Variants in ZNF292 observed in about 807,000 individuals in gnomAD.
ZNF292 encodes 16 zinc-finger domain protein.
A neutral mutation model predicts 217.9 loss-of-function variants in ZNF292; 26 were observed. The ratio of observed to expected loss-of-function variants is 0.12; its 90% confidence interval spans 0.09 to 0.17. The LOEUF (loss-of-function observed/expected upper bound fraction) is 0.17, where lower values mean the gene tolerates loss of function less well. Among genes scored for constraint, ZNF292 ranks in the 10% least tolerant of loss-of-function variants. The pLI is 1.00. For synonymous variants in ZNF292, 1,257 were observed against 1,124.1 expected (o/e 1.12, Z -2.37); for missense variants, 2,904 against 3,175.2 (o/e 0.91, Z 2.05).
intron 7 of ZNF292, among the ~76,000 whole-genome samples, chr6:87,250,519 TA>T (rs1468517713): frequency 6.6e-6 from 1 of 152,200 alleles, no homozygotes; most frequent in East Asian, 1.9e-4. Context: ...AAGTGTACTG[TA>T]TTGAATCTAT....
intron 4 of ZNF292, among the ~76,000 whole-genome samples, chr6:87,228,175 A>G (rs929832653): frequency 6.6e-6 from 1 of 152,006 alleles, no homozygotes; most frequent in African/African-American, 2.4e-5. Context: ...TTTCATTTGC[A>G]GTTCTCTGAT....
chr6:87,188,874 A>C lies in ZNF292; in HGVS notation c.169-27029A>C, dbSNP rs554291893. Reference sequence around the variant, plus strand: ...TAATACAATGCAGATAAATTATTATAGGTTTGAAAATGAACATAATAATGA... The same window carrying C: ...TAATACAATGCAGATAAATTATTATCGGTTTGAAAATGAACATAATAATGA... On this transcript the variant is annotated intron_variant, in intron 1 of 7. Transcript: ENST00000369577. Among the ~76,000 whole-genome samples the C allele has an allele frequency of 1.4e-4, 21 of 152,178 alleles. 2 individuals carry two copies. In the South Asian group the frequency reaches 4.1e-3, roughly 30 times the overall value.
intron 6 of ZNF292, 35 bp from the exon 7 acceptor site, chr6:87,245,468 T>A: frequency 6.9e-7 from 1 of 1,440,602 alleles, no homozygotes; most frequent in Admixed American, 3.0e-5. Flanking sequence ...ACCTTACTGC[T>A]CCAACTTTTC....
rs1026082080 is a variant in ZNF292 at position 87,264,803 on chromosome 6, A to G, written c.*3002A>G. Among the ~76,000 whole-genome samples the G allele has an allele frequency of 1.3e-5, 2 of 152,212 alleles. No individual in the cohort carries two copies. Among genetic ancestry groups the G allele is most frequent in the African/African-American group, 2.4e-5 (1 of 41,448 alleles). On this transcript the variant is annotated 3_prime_UTR_variant, in exon 8 of 8. Coordinates refer to ENST00000369577, the MANE Select transcript of ZNF292 (RefSeq NM_015021.3). Reference sequence around the variant, plus strand: ...GAAAATTGTTATTGGATGCATGTATATTGAACAATTTAATCAGTATCAGTT... The same window carrying G: ...GAAAATTGTTATTGGATGCATGTATGTTGAACAATTTAATCAGTATCAGTT...
chr6:87,260,631 A>G lies in ZNF292; in HGVS notation c.7002A>G (p.Lys2334=), dbSNP rs539457456. ...GKEGIKMPKT[K]RKKKNNLENK... ...AAGGAATAAAAATGCCCAAGACCAA[A>G]CGAAAGAAAAAAAATAATTTAGAAA... is the stretch of plus-strand genomic sequence containing the variant. Residue 2334 remains lysine (K), a synonymous_variant, in exon 8 of 8, where the codon AAA becomes AAG. Coordinates refer to ENST00000369577, the MANE Select transcript of ZNF292 (RefSeq NM_015021.3). The G allele has an allele frequency of 6.2e-7, 1 of 1,612,482 alleles. No homozygotes were observed. Among genetic ancestry groups the G allele is most frequent in the South Asian group, 1.1e-5 (1 of 90,844 alleles).
chr6:87,180,812 CCTTGAGTA>C (rs1771449894), intron 1 of ZNF292, among the ~76,000 whole-genome samples: 1 of 152,140 alleles, frequency 6.6e-6, no homozygotes, highest in Non-Finnish European at 1.5e-5. Flanking sequence ...CTCACTCAGC[CCTTGAGTA>C]CTTGAGTATT....
chr6:87,252,838 A>G (rs574678695), intron 7 of ZNF292, among the ~76,000 whole-genome samples: 2 of 152,174 alleles, frequency 1.3e-5, no homozygotes, highest in East Asian at 1.9e-4. Flanking sequence ...ACAAGTTTAT[A>G]TGAAATCAAG....
At position 87,259,420 on chromosome 6, in the gene ZNF292, C is replaced by A. The variant is rs1169549882; in HGVS notation, c.5791C>A (p.Pro1931Thr). 1.4e-5 allele frequency: 23 copies of A among 1,600,532 alleles called. No individual in the cohort carries two copies. The highest frequency in any genetic ancestry group is 3.4e-5 in the South Asian group (3 of 89,496). ...KHYGKIHQYT[P>T]EMILEIKKNQ... ...CTATGGTAAAATTCATCAATACACTCCAGAAATGATTCTTGAAATTAAGAA... is the reference window on the plus strand; with the variant it reads ...CTATGGTAAAATTCATCAATACACTACAGAAATGATTCTTGAAATTAAGAA... The change falls in exon 8 of 8, where the codon CCA (proline) becomes ACA (threonine). Residue 1931 changes from proline to threonine, a missense_variant. By Grantham distance (38) the Pro-to-Thr change is conservative. Transcript: ENST00000369577.
At position 87,260,290 on chromosome 6, in the gene ZNF292, T is replaced by C. The variant is rs1775495154; in HGVS notation, c.6661T>C (p.Leu2221=). Residue 2221 remains leucine, a synonymous_variant, in exon 8 of 8, where the codon TTA becomes CTA. Coordinates refer to ENST00000369577, the MANE Select transcript of ZNF292 (RefSeq NM_015021.3). ...TGTTGGGAAGTTTCCATGTGACCAGTTAGAGTGTAAATCTTCATTTACTAC... is the reference window on the plus strand; with the variant it reads ...TGTTGGGAAGTTTCCATGTGACCAGCTAGAGTGTAAATCTTCATTTACTAC... ...VDVGKFPCDQ[L]ECKSSFTTYL... 6.2e-7 allele frequency: 1 copy of C among 1,613,514 alleles called. No individual in the cohort carries two copies. Among genetic ancestry groups the C allele is most frequent in the Admixed American group, 1.7e-5 (1 of 59,964 alleles).
At chr6:87,212,688 T>C (rs533339479) in intron 1 of ZNF292, among the ~76,000 whole-genome samples, 6 of 152,352 alleles carry the variant, frequency 3.9e-5, no homozygotes, top group Non-Finnish European at 7.3e-5. Context: ...GGTTGCATCA[T>C]TGAATTCCAA....
chr6:87,240,105 C>T (rs1774189058), intron 5 of ZNF292, among the ~76,000 whole-genome samples: 1 of 152,156 alleles, frequency 6.6e-6, no homozygotes, highest in Non-Finnish European at 1.5e-5. Context: ...ATCCCGGCAC[C>T]TCGGGAGGCC....
chr6:87,204,626 C>T (rs1772191396), intron 1 of ZNF292, among the ~76,000 whole-genome samples: 1 of 132,110 alleles, frequency 7.6e-6, no homozygotes, highest in African/African-American at 3.1e-5. Context: ...TGCAATGGCA[C>T]GATCTTGCCT....
Position 87,255,922 on chromosome 6 carries a change from G to A in ZNF292, c.2293G>A (p.Ala765Thr), listed in dbSNP as rs916213796. The A allele has an allele frequency of 5.6e-6, 9 of 1,613,324 alleles. No individual in the cohort carries two copies. The highest frequency in any genetic ancestry group is 2.7e-5 in the African/African-American group (2 of 74,904). Residue 765 changes from alanine to threonine, a missense_variant, in exon 8 of 8, where the codon GCC (alanine) becomes ACC (threonine). Ala to Thr is a moderately conservative substitution (Grantham distance 58). Around this residue, in one of 15 missense-constraint regions of ZNF292, gnomAD observed 216 missense variants for 308.3 expected, o/e 0.70. Transcript: ENST00000369577. Reference sequence around the variant, plus strand: ...ATGTAAAGCTGGTTTTAATAGTTACGCCGAGCTTTTAACCCACCGAAAGGA... The same window carrying A: ...ATGTAAAGCTGGTTTTAATAGTTACACCGAGCTTTTAACCCACCGAAAGGA... ...MKCKAGFNSY[A>T]ELLTHRKEHQ...
intron 1 of ZNF292, among the ~76,000 whole-genome samples, chr6:87,180,956 G>A (rs773670873): frequency 1.7e-4 from 26 of 152,194 alleles, no homozygotes; most frequent in South Asian, 4.2e-4. Flanking sequence ...TGGTCGCCCC[G>A]CAGCTCAAAC....
intron 4 of ZNF292, among the ~76,000 whole-genome samples, chr6:87,229,618 G>T (rs906709058): frequency 1.3e-5 from 2 of 151,904 alleles, no homozygotes; most frequent in African/African-American, 4.8e-5. Context: ...TAGAGACACG[G>T]TTTCTCCATG....
Position 87,197,722 on chromosome 6 carries a change from CAAAAAAAAA to C in ZNF292, c.169-18166_169-18158del, listed in dbSNP as rs11312557. On this transcript the variant is annotated intron_variant, in intron 1 of 7. Coordinates refer to ENST00000369577, the MANE Select transcript of ZNF292 (RefSeq NM_015021.3). ...AGCAACAGAGTGAGACTCGCTGTTTCAAAAAAAAAAAAAAAAAAAAAAAGCATTCATTAG... is the reference window on the plus strand; with the variant it reads ...AGCAACAGAGTGAGACTCGCTGTTTCAAAAAAAAAAAAAAGCATTCATTAG... Among the ~76,000 whole-genome samples the C allele has an allele frequency of 1.9e-3, 148 of 77,348 alleles. 1 individual carries two copies. The highest frequency in any genetic ancestry group is 6.6e-3 in the African/African-American group (139 of 21,138). The allele number at this position is 77,348 out of a possible 152,430, so 50.7% of individuals were successfully genotyped here. A position where few individuals can be genotyped will look rare whatever the true frequency, so the allele number is the denominator to read the frequency against.
chr6:87,230,872 T>C (rs1364012052), intron 4 of ZNF292, among the ~76,000 whole-genome samples: 3 of 152,042 alleles, frequency 2.0e-5, no homozygotes, highest in Admixed American at 6.5e-5. Flanking sequence ...GGCCCAAATA[T>C]AGTAAAGCCT....
At chr6:87,252,835 T>G (rs1222015461) in intron 7 of ZNF292, among the ~76,000 whole-genome samples, 1 of 152,168 alleles carries the variant, frequency 6.6e-6, no homozygotes, top group Admixed American at 6.5e-5. Context: ...TATACAAGTT[T>G]ATATGAAATC....
chr6:87,256,823 T>C lies in ZNF292; in HGVS notation c.3194T>C (p.Leu1065Pro), dbSNP rs765220871. Residue 1065 changes from leucine (L) to proline (P), a missense_variant, in exon 8 of 8, where the codon CTT becomes CCT. Leu to Pro is a moderately conservative substitution (Grantham distance 98). Around this residue, in one of 15 missense-constraint regions of ZNF292, gnomAD observed 687 missense variants for 623.0 expected, o/e 1.10. Transcript: ENST00000369577. ...KTSSNLYNLP[L>P]KTLESIAFVP... ...TCATCCAATCTTTATAATTTACCTC[T>C]TAAGACATTAGAAAGTATTGCATTT... is the stretch of plus-strand genomic sequence containing the variant. 16 of 1,613,602 alleles carry C rather than the reference T, an allele frequency of 9.9e-6. No homozygotes were observed. In the East Asian group the frequency reaches 2.2e-4, roughly 22 times the overall value.
Sources: allele counts gnomAD v4.1 joint callset (sites outside exome capture counted in the v4.1 genomes callset), GRCh38; gene constraint gnomAD v4.1.1; regional missense constraint gnomAD v4.1.1; transcripts MANE v1.5; gene names NCBI Gene and HGNC (gene_info 2026-07-23, HGNC 2026-07-21).